The following FRMD5 variants were observed in gnomAD, a reference collection of about 807,000 sequenced individuals.
FRMD5 encodes FERM domain-containing protein 5.
FRMD5 carries 20 observed loss-of-function variants against 69.0 expected under a neutral mutation model. That is an observed-to-expected ratio of 0.29 (90% CI 0.20 to 0.42). The LOEUF is 0.42. Ranked by LOEUF, FRMD5 falls within the 10% of genes least tolerant of loss-of-function variation. The pLI, the probability that FRMD5 is intolerant of heterozygous loss-of-function variation, is 1.00. For missense variants in FRMD5, 595 were observed against 708.6 expected (o/e 0.84, Z 1.82); for synonymous variants, 271 against 260.1 (o/e 1.04, Z -0.40).
At chr15:43,993,293 A>ACT (rs1286041545) in intron 1 of FRMD5, among the ~76,000 whole-genome samples, 3 of 152,168 alleles carry the variant, frequency 2.0e-5, no homozygotes, top group African/African-American at 4.8e-5. Flanking sequence ...CCCAGGTTCA[A>ACT]GCAATTCTCC....
At chr15:43,887,165 C>T (rs1235158530) in intron 10 of FRMD5, among the ~76,000 whole-genome samples, 1 of 152,274 alleles carries the variant, frequency 6.6e-6, no homozygotes, top group African/African-American at 2.4e-5. Context: ...GGAAAGCTTC[C>T]ACATATGCCA....
chr15:43,963,168 G>C (rs1287895334), intron 1 of FRMD5, among the ~76,000 whole-genome samples: 1 of 152,130 alleles, frequency 6.6e-6, no homozygotes, highest in African/African-American at 2.4e-5. Context: ...CTGACAAAGG[G>C]CTAATATCCA....
chr15:44,101,653 G>A (rs2076642309), intron 1 of FRMD5: 1 of 152,400 alleles, frequency 6.6e-6, no homozygotes, highest in Admixed American at 6.5e-5. Context: ...AAGATGATGA[G>A]TACTGTTGTT....
At chr15:43,881,578 T>G (rs1223123789) in intron 13 of FRMD5, among the ~76,000 whole-genome samples, 2 of 152,196 alleles carry the variant, frequency 1.3e-5, no homozygotes, top group African/African-American at 4.8e-5. Context: ...ATGGCAGAGC[T>G]CCTAGTCAGA....
intron 1 of FRMD5, among the ~76,000 whole-genome samples, chr15:43,933,097 G>A (rs146502084): frequency 6.6e-6 from 1 of 152,200 alleles, no homozygotes; most frequent in Non-Finnish European, 1.5e-5. Context: ...ACAATAGTGA[G>A]AGTCCCAGGA....
At chr15:43,883,624 A>G in intron 13 of FRMD5, 79 bp downstream of exon 13, 1 of 995,444 alleles carries the variant, frequency 1.0e-6, no homozygotes, top group Non-Finnish European at 1.5e-6. Context: ...GCCATCACTA[A>G]TGCAAATTAG....
At chr15:44,046,641 T>C (rs1379341620) in intron 1 of FRMD5, among the ~76,000 whole-genome samples, 2 of 152,228 alleles carry the variant, frequency 1.3e-5, no homozygotes, top group Non-Finnish European at 2.9e-5. Context: ...TTTTTGGCTC[T>C]GGAATTAAAA....
intron 1 of FRMD5, among the ~76,000 whole-genome samples, chr15:43,934,672 A>C (rs1256421087): frequency 6.6e-6 from 1 of 152,182 alleles, no homozygotes; most frequent in African/African-American, 2.4e-5. Context: ...TTTACATTCC[A>C]CTGTGAGCGA....
intron 11 of FRMD5, 38 bp from the exon 12 acceptor site, chr15:43,884,833 A>C: frequency 6.4e-7 from 1 of 1,572,544 alleles, no homozygotes; most frequent in Non-Finnish European, 8.8e-7. Context: ...GCAAGAAATG[A>C]GACTGTGTTG....
upstream of FRMD5, among the ~76,000 whole-genome samples, chr15:44,197,738 T>C (rs1034437468): frequency 6.6e-6 from 1 of 151,554 alleles, no homozygotes; most frequent in African/African-American, 2.4e-5. Flanking sequence ...AGAGCTTTTG[T>C]TGAAGGCAAA....
chr15:43,894,310 A>G (rs2088863943), intron 7 of FRMD5, among the ~76,000 whole-genome samples: 1 of 151,672 alleles, frequency 6.6e-6, no homozygotes, highest in African/African-American at 2.4e-5. Flanking sequence ...TCACTGTGCA[A>G]GCAGGACCCG....
chr15:43,950,138 G>A (rs1265766253), intron 1 of FRMD5, among the ~76,000 whole-genome samples: 1 of 152,192 alleles, frequency 6.6e-6, no homozygotes, highest in Non-Finnish European at 1.5e-5. Context: ...AGTGGTCTCA[G>A]CCCTCCTAGC....
intron 13 of FRMD5, 45 bp downstream of exon 13, chr15:43,883,658 C>T: frequency 1.4e-6 from 2 of 1,407,624 alleles, no homozygotes; most frequent in Middle Eastern, 1.9e-4. Flanking sequence ...TCCCAGATCA[C>T]AACTTGGAGG....
At chr15:44,026,345 C>A (rs1424790395) in intron 1 of FRMD5, among the ~76,000 whole-genome samples, 3 of 152,216 alleles carry the variant, frequency 2.0e-5, no homozygotes, top group South Asian at 4.1e-4. Context: ...AAGTTCCACT[C>A]ATTACCCTCT....
chr15:43,876,187 C>G (rs1216481344), intron 13 of FRMD5: 63 of 1,600,230 alleles, frequency 3.9e-5, no homozygotes, highest in Non-Finnish European at 5.4e-5. Context: ...CTGTCACTCC[C>G]AGAGGCTGCA....
intron 1 of FRMD5, among the ~76,000 whole-genome samples, chr15:44,004,505 A>C (rs118181660): frequency 0.015 from 2,338 of 152,290 alleles, 162 homozygotes; most frequent in Admixed American, 0.12. Context: ...AAAGTTTTCC[A>C]TTAATATTAT....
intron 1 of FRMD5, among the ~76,000 whole-genome samples, chr15:44,110,007 A>G (rs939547115): frequency 1.3e-5 from 2 of 152,110 alleles, no homozygotes; most frequent in Non-Finnish European, 2.9e-5. Context: ...TAAGTGTACC[A>G]TGGTTTATTT....
chr15:43,976,566 G>T (rs1276730336), intron 1 of FRMD5, among the ~76,000 whole-genome samples: 1 of 152,184 alleles, frequency 6.6e-6, no homozygotes, highest in African/African-American at 2.4e-5. Context: ...CAACTCAATG[G>T]CCAAACAGGT....
chr15:44,081,931 C>T (rs779998529), intron 1 of FRMD5, among the ~76,000 whole-genome samples: 5 of 151,942 alleles, frequency 3.3e-5, no homozygotes, highest in African/African-American at 9.7e-5. Context: ...GAACCCAAAA[C>T]GTCAACACCA....
Sources: gnomAD v4.1 joint callset for allele counts (sites outside exome capture counted in the v4.1 genomes callset) on GRCh38, gnomAD v4.1.1 for gene constraint, MANE v1.5 for transcripts, NCBI Gene and HGNC (gene_info 2026-07-23, HGNC 2026-07-21) for gene names.